The following BRD10 variants were observed in gnomAD, a reference collection of about 807,000 sequenced individuals.
The protein encoded by BRD10 is uncharacterized bromodomain-containing protein 10.
the BRD10 span, among the ~76,000 whole-genome samples, chr9:5,928,414 C>T: frequency 6.6e-6 from 1 of 152,134 alleles, no homozygotes; most frequent in Non-Finnish European, 1.5e-5. Flanking sequence ...TGCTTAAAAC[C>T]CTTCAATGGC....
At chr9:5,983,020 A>C in the BRD10 span, among the ~76,000 whole-genome samples, 109 of 152,298 alleles carry the variant, frequency 7.2e-4, no homozygotes, top group African/African-American at 2.4e-3. Context: ...CAGTTGGTTG[A>C]ATCAGTGCAT....
At chr9:6,001,318 TC>T in the BRD10 span, among the ~76,000 whole-genome samples, 1 of 150,962 alleles carries the variant, frequency 6.6e-6, no homozygotes, top group Non-Finnish European at 1.5e-5. Flanking sequence ...TTCACGTTAC[TC>T]CCTTAGTCGC....
At chr9:5,942,780 G>C in the BRD10 span, among the ~76,000 whole-genome samples, 2 of 152,172 alleles carry the variant, frequency 1.3e-5, no homozygotes, top group Admixed American at 6.6e-5. Context: ...TAAAAGTTTA[G>C]AGATACAAAT....
chr9:5,945,039 C>A, the BRD10 span: 1 of 580,756 alleles, frequency 1.7e-6, no homozygotes, highest in Non-Finnish European at 2.9e-6. Context: ...GTTGTTTTAA[C>A]ACACACTGAA....
At chr9:5,958,539 C>G in the BRD10 span, among the ~76,000 whole-genome samples, 1 of 152,132 alleles carries the variant, frequency 6.6e-6, no homozygotes, top group African/African-American at 2.4e-5. Context: ...GTGGTCCCAG[C>G]TACTTGGGAG....
At chr9:5,977,812 G>A in the BRD10 span, among the ~76,000 whole-genome samples, 13 of 152,214 alleles carry the variant, frequency 8.5e-5, no homozygotes, top group Admixed American at 3.9e-4. Flanking sequence ...TCCAGCCTGG[G>A]CAACAGAGCG....
At chr9:5,965,705 G>A in the BRD10 span, among the ~76,000 whole-genome samples, 2 of 152,142 alleles carry the variant, frequency 1.3e-5, no homozygotes, top group Non-Finnish European at 2.9e-5. Flanking sequence ...AATGAATTGT[G>A]AACCTCTACT....
chr9:5,985,456 A>G, the BRD10 span, among the ~76,000 whole-genome samples: 3 of 152,222 alleles, frequency 2.0e-5, no homozygotes, highest in Admixed American at 2.0e-4. Context: ...ACTTGTGAAC[A>G]CATATATCTG....
chr9:5,904,436 G>A, the BRD10 span, among the ~76,000 whole-genome samples: 2 of 152,038 alleles, frequency 1.3e-5, no homozygotes, highest in East Asian at 3.9e-4. Context: ...CATTTTATAT[G>A]ATTCCATTTT....
At chr9:5,920,966 T>G in the BRD10 span, 1 of 1,613,990 alleles carries the variant, frequency 6.2e-7, no homozygotes, top group Non-Finnish European at 8.5e-7. Flanking sequence ...AACAGGAGGT[T>G]GTGCCCCAGC....
the BRD10 span, among the ~76,000 whole-genome samples, chr9:5,979,236 G>A: frequency 6.6e-6 from 1 of 152,200 alleles, no homozygotes; most frequent in Non-Finnish European, 1.5e-5. Flanking sequence ...CACACTGGCT[G>A]GGCATGGTGG....
At chr9:5,937,011 C>G in the BRD10 span, among the ~76,000 whole-genome samples, 1 of 152,012 alleles carries the variant, frequency 6.6e-6, no homozygotes, top group Non-Finnish European at 1.5e-5. Flanking sequence ...GTGGGTGGAT[C>G]ACAAGGTCAG....
At chr9:5,890,501 G>C in the BRD10 span, among the ~76,000 whole-genome samples, 1 of 152,144 alleles carries the variant, frequency 6.6e-6, no homozygotes, top group South Asian at 2.1e-4. Flanking sequence ...CCATCTATGT[G>C]AAAGGGATAG....
the BRD10 span, among the ~76,000 whole-genome samples, chr9:5,985,586 G>C: frequency 2.0e-5 from 3 of 152,126 alleles, no homozygotes; most frequent in African/African-American, 7.2e-5. Flanking sequence ...GGGAGTTCAA[G>C]ACCATCCTGA....
At chr9:5,881,143 C>T in the BRD10 span, among the ~76,000 whole-genome samples, 16 of 152,270 alleles carry the variant, frequency 1.1e-4, no homozygotes, top group African/African-American at 2.2e-4. Context: ...CCCCTGACAC[C>T]CTTTTCAACT....
chr9:5,920,621 C>T, the BRD10 span: 5 of 1,613,744 alleles, frequency 3.1e-6, no homozygotes, highest in African/African-American at 5.3e-5. Flanking sequence ...AGTTGAAATC[C>T]CTGGTGAATG....
chr9:5,887,191 G>A, the BRD10 span, among the ~76,000 whole-genome samples: 22 of 151,366 alleles, frequency 1.5e-4, no homozygotes, highest in Non-Finnish European at 2.5e-4. Context: ...CCCAGGAGGT[G>A]GAGGTTGCAG....
the BRD10 span, among the ~76,000 whole-genome samples, chr9:5,882,056 G>A: frequency 6.6e-6 from 1 of 152,328 alleles, no homozygotes; most frequent in Middle Eastern, 3.4e-3. Context: ...ATAGTCTCCT[G>A]CAGGATTTTT....
At chr9:5,927,902 A>G in the BRD10 span, among the ~76,000 whole-genome samples, 7 of 152,292 alleles carry the variant, frequency 4.6e-5, no homozygotes, top group South Asian at 1.2e-3. Context: ...AATACAATCA[A>G]GATGCTGACA....
Sources: allele counts gnomAD v4.1 joint callset (sites outside exome capture counted in the v4.1 genomes callset), GRCh38; gene constraint gnomAD v4.1.1; transcripts MANE v1.5; gene names NCBI Gene and HGNC (gene_info 2026-07-23, HGNC 2026-07-21).